The following PROCR variants were observed in gnomAD, a reference collection of about 807,000 sequenced individuals.
PROCR encodes the protein endothelial protein C receptor.
In PROCR, 22 loss-of-function variants were observed where a neutral mutation model predicts 24.2. That is an observed-to-expected ratio of 0.91 (90% confidence interval 0.65 to 1.30). The LOEUF (loss-of-function observed/expected upper bound fraction) is 1.30, where lower values mean the gene tolerates loss of function less well. Among genes scored for constraint, PROCR ranks in the 50% most tolerant of loss-of-function variants. PROCR has a pLI of 0.00. For synonymous variants in PROCR, 137 were observed against 139.2 expected, an observed-to-expected ratio of 0.98 and a Z score of 0.11; for missense variants, 288 against 307.7, an observed-to-expected ratio of 0.94 and a Z score of 0.48.
Position 35,215,964 on chromosome 20 carries a change from G to A in PROCR, c.*61G>A, listed in dbSNP as rs186949093. 119 of 734,212 alleles carry A rather than the reference G, an allele frequency of 1.6e-4. 1 individual carries two copies. The highest frequency in any genetic ancestry group is 1.5e-3 in the African/African-American group (79 of 52,346). 45.5% of individuals were successfully genotyped at this position (734,212 alleles called of 1,614,324 possible). A position where few individuals can be genotyped will look rare whatever the true frequency, so the allele number is the denominator to read the frequency against. ...TGTAATCCCAGCACTTTGGGAGGCCGAGGCAGGAGGATCACTTGAGGTTGG... is the reference window on the plus strand; with the variant it reads ...TGTAATCCCAGCACTTTGGGAGGCCAAGGCAGGAGGATCACTTGAGGTTGG... On this transcript the variant is annotated 3_prime_UTR_variant, in exon 2 of 2. Transcript: ENST00000634509.
At chr20:35,188,440 G>A (rs1217174936) in intron 1 of PROCR, among the ~76,000 whole-genome samples, 1 of 152,250 alleles carries the variant, frequency 6.6e-6, no homozygotes, top group East Asian at 1.9e-4. Context: ...GGTGAAAAGG[G>A]GAAAGATGTT....
chr20:35,215,919 C>T lies in PROCR; in HGVS notation c.*16C>T, dbSNP rs1339677238. 14 of 984,258 alleles carry T rather than the reference C, an allele frequency of 1.4e-5. 1 individual carries two copies. The highest frequency in any genetic ancestry group is 1.4e-4 in the South Asian group (3 of 21,260). The allele number at this position is 984,258 out of a possible 1,614,324, so 61.0% of individuals were successfully genotyped here. A position where few individuals can be genotyped will look rare whatever the true frequency, so the allele number is the denominator to read the frequency against. On this transcript the variant is annotated 3_prime_UTR_variant, in exon 2 of 2. Coordinates refer to the PROCR transcript ENST00000634509. ...TCTCTACTAAGAATGTCACTCTGGCCGGGCGCAGTGGCTCACTCCTGTAAT... is the reference window on the plus strand; with the variant it reads ...TCTCTACTAAGAATGTCACTCTGGCTGGGCGCAGTGGCTCACTCCTGTAAT...
At chr20:35,193,792 G>A (rs1240465578) in intron 1 of PROCR, among the ~76,000 whole-genome samples, 1 of 152,226 alleles carries the variant, frequency 6.6e-6, no homozygotes, top group Non-Finnish European at 1.5e-5. Flanking sequence ...GTCTGCAGTT[G>A]AGGGAAATGT....
chr20:35,178,863 A>G (rs555267867), downstream of PROCR, among the ~76,000 whole-genome samples: 150 of 151,566 alleles, frequency 9.9e-4, 1 homozygote, highest in Non-Finnish European at 1.5e-3. Flanking sequence ...AAATATACCA[A>G]AGGGTCTAAG....
chr20:35,207,529 T>C (rs2146178770), intron 1 of PROCR, among the ~76,000 whole-genome samples: 1 of 151,698 alleles, frequency 6.6e-6, no homozygotes, highest in East Asian at 1.9e-4. Flanking sequence ...TTAGGACTGT[T>C]TTGTTTTGTT....
chr20:35,201,430 G>T (rs2060317791), intron 1 of PROCR, among the ~76,000 whole-genome samples: 1 of 152,224 alleles, frequency 6.6e-6, no homozygotes, highest in Non-Finnish European at 1.5e-5. Context: ...GCTCACGCCT[G>T]CAATCCCAGC....
At chr20:35,180,617 A>T (rs967267970), downstream of PROCR, among the ~76,000 whole-genome samples, 4 of 150,764 alleles carry the variant, frequency 2.7e-5, no homozygotes, top group African/African-American at 9.7e-5. Flanking sequence ...TCCCCCTGGT[A>T]AGCATCTTGC....
chr20:35,197,100 T>G (rs973657119), intron 1 of PROCR, among the ~76,000 whole-genome samples: 16 of 152,200 alleles, frequency 1.1e-4, no homozygotes, highest in Non-Finnish European at 7.3e-5. Flanking sequence ...TATCACATTC[T>G]GGTAATTCTT....
chr20:35,178,507 G>GTTTTGTTTTTTTTTTTTTTTTTT (rs1272557859), downstream of PROCR, among the ~76,000 whole-genome samples: 7 of 34,372 alleles, frequency 2.0e-4, 3 homozygotes, highest in African/African-American at 7.3e-4. Flanking sequence ...TCAAGTCTCA[G>GTTTTGTTTTTTTTTTTTTTTTTT]TTTTTTTTTT....
intron 1 of PROCR, among the ~76,000 whole-genome samples, chr20:35,196,495 A>AT (rs1435387466): frequency 6.6e-6 from 1 of 152,150 alleles, no homozygotes; most frequent in Admixed American, 6.6e-5. Flanking sequence ...CACATGTTAC[A>AT]TATGGGGGAA....
chr20:35,182,171 C>T (rs1323267085), downstream of PROCR, among the ~76,000 whole-genome samples: 1 of 152,160 alleles, frequency 6.6e-6, no homozygotes, highest in East Asian at 1.9e-4. Flanking sequence ...AACCTGTCTC[C>T]CATTAAGACT....
chr20:35,171,978 T>C, upstream of PROCR: 1 of 673,908 alleles, frequency 1.5e-6, no homozygotes, highest in Non-Finnish European at 2.7e-6. Flanking sequence ...TGAGACACAG[T>C]AGAAATAACA....
At chr20:35,185,802 G>A (rs537253734) in intron 1 of PROCR, among the ~76,000 whole-genome samples, 40 of 152,156 alleles carry the variant, frequency 2.6e-4, no homozygotes, top group African/African-American at 9.6e-4. Context: ...CTTGGGTGAC[G>A]GGTGCCACAA....
intron 1 of PROCR, among the ~76,000 whole-genome samples, chr20:35,208,502 G>A (rs1177321205): frequency 6.6e-6 from 1 of 152,178 alleles, no homozygotes; most frequent in Non-Finnish European, 1.5e-5. Context: ...GAAAGGTTAA[G>A]TCATTTATCT....
intron 1 of PROCR, among the ~76,000 whole-genome samples, chr20:35,199,832 C>T (rs541914240): frequency 6.6e-6 from 1 of 151,674 alleles, no homozygotes; most frequent in Non-Finnish European, 1.5e-5. Flanking sequence ...AAACAAAAAG[C>T]CTTCTGGAAA....
chr20:35,179,666 A>C (rs1435215664), downstream of PROCR, among the ~76,000 whole-genome samples: 1 of 152,176 alleles, frequency 6.6e-6, no homozygotes, highest in Non-Finnish European at 1.5e-5. Flanking sequence ...CAAAATCAAC[A>C]TGTTCAAAAT....
At chr20:35,189,514 C>T (rs923375726) in intron 1 of PROCR, among the ~76,000 whole-genome samples, 6 of 152,172 alleles carry the variant, frequency 3.9e-5, no homozygotes, top group African/African-American at 1.4e-4. Context: ...CTTGTGATCT[C>T]GCCCTGACCT....
downstream of PROCR, among the ~76,000 whole-genome samples, chr20:35,180,841 G>A (rs1400200497): frequency 1.3e-5 from 2 of 150,404 alleles, no homozygotes; most frequent in African/African-American, 2.4e-5. Flanking sequence ...TCCGTTTTTT[G>A]TTGTTGTTTG....
chr20:35,177,226 C>T lies in PROCR; in HGVS notation c.*413C>T. The T allele has an allele frequency of 4.7e-6, 5 of 1,066,834 alleles. No homozygotes were observed. Among genetic ancestry groups the T allele is most frequent in the Non-Finnish European group, 5.7e-6 (5 of 878,700 alleles). 66.1% of individuals were successfully genotyped at this position (1,066,834 alleles called of 1,614,324 possible). On this transcript the variant is annotated 3_prime_UTR_variant, in exon 4 of 4. Transcript: ENST00000216968. ...ATTCAATACTTCCAGGTGTGTCAGA[C>T]TTGGGATGGGACGCTGATATAATAG...
Sources: gnomAD v4.1 joint callset for allele counts (sites outside exome capture counted in the v4.1 genomes callset) on GRCh38, gnomAD v4.1.1 for gene constraint, MANE v1.5 for transcripts, NCBI Gene and HGNC (gene_info 2026-07-23, HGNC 2026-07-21) for gene names.